Variants in TRPM6 observed in about 807,000 individuals in gnomAD.
TRPM6 encodes the protein transient receptor potential cation channel subfamily M member 6, also known as channel kinase 2.
TRPM6 carries 111 observed loss-of-function variants against 247.6 expected under a neutral mutation model. The observed-to-expected ratio is 0.45, with a 90% CI of 0.38 to 0.52. The LOEUF (loss-of-function observed/expected upper bound fraction) is 0.52, where lower values mean the gene tolerates loss of function less well. Ranked by LOEUF, TRPM6 falls within the 20% of genes least tolerant of loss-of-function variation. The pLI, the probability that TRPM6 is intolerant of heterozygous loss-of-function variation, is 0.00. For missense variants in TRPM6, 2,126 were observed against 2,421.5 expected, an observed-to-expected ratio of 0.88 and a Z score of 2.56; for synonymous variants, 892 against 853.8, an observed-to-expected ratio of 1.04 and a Z score of -0.78.
chr9:74,762,407 G>A lies in TRPM6; in HGVS notation c.4264C>T (p.Gln1422Ter). The A allele has an allele frequency of 6.2e-7, 1 of 1,614,186 alleles. No individual in the cohort carries two copies. ...GTGCAACTCAAAGTGGGTAGCACTT[G>A]CTCTGCCTTGTCTTGTCCATCCAGT... The part of the protein sequence containing the change: ...HLLDGQDKAE[Q>*]VLPTLSCTPE... Residue 1422 changes from glutamine (Q) to a stop codon, truncating the protein, a stop_gained, in exon 26 of 39, where the codon CAA (glutamine) becomes TAA (stop). Coordinates refer to ENST00000360774, the MANE Select transcript of TRPM6 (RefSeq NM_017662.5). LOFTEE classifies it high-confidence loss of function.
At chr9:74,828,187 A>G (rs1388378552) in intron 6 of TRPM6, among the ~76,000 whole-genome samples, 1 of 151,428 alleles carries the variant, frequency 6.6e-6, no homozygotes, top group Admixed American at 6.6e-5. Flanking sequence ...CCCCATCTCT[A>G]CTAAAAATAC....
chr9:74,826,293 C>G (rs1264680044), intron 7 of TRPM6, among the ~76,000 whole-genome samples: 1 of 152,196 alleles, frequency 6.6e-6, no homozygotes, highest in Non-Finnish European at 1.5e-5. Context: ...CACAAAATGA[C>G]AGCGCTTCAA....
At chr9:74,747,865 A>G (rs367997870) in intron 31 of TRPM6, 24 bp downstream of exon 31, 55 of 1,580,194 alleles carry the variant, frequency 3.5e-5, no homozygotes, top group Non-Finnish European at 4.7e-5. Context: ...ATAAAAAATA[A>G]AATGTTTAAA....
chr9:74,736,038 G>A (rs139143230), intron 36 of TRPM6, among the ~76,000 whole-genome samples: 1,767 of 152,284 alleles, frequency 0.012, 25 homozygotes, highest in African/African-American at 0.04. Context: ...ACACAGCTGA[G>A]GGCGGACTCC....
intron 4 of TRPM6, 119 bp downstream of exon 4, chr9:74,842,047 G>T: frequency 9.1e-7 from 1 of 1,098,744 alleles, no homozygotes. Context: ...GGAGGCAGAG[G>T]TTGCAGTGCG....
In TRPM6 at chr9:74,722,589, A is replaced by G. The variant is rs1825179838; in HGVS notation, c.*2024T>C. On this transcript the variant is annotated 3_prime_UTR_variant, in exon 39 of 39. Coordinates refer to ENST00000360774, the MANE Select transcript of TRPM6 (RefSeq NM_017662.5). ...GATGTCTTTAGTTTGGCAATTGGGCAAGCAAACTCTGCCTCTTTCCATAGT... is the reference window on the plus strand; with the variant it reads ...GATGTCTTTAGTTTGGCAATTGGGCGAGCAAACTCTGCCTCTTTCCATAGT... 6.6e-6 allele frequency: 1 copy of G among 152,234 alleles called. No homozygotes were observed. The highest frequency in any genetic ancestry group is 2.4e-5 in the African/African-American group (1 of 41,464). 9.4% of individuals were successfully genotyped at this position (152,234 alleles called of 1,614,324 possible).
intron 28 of TRPM6, among the ~76,000 whole-genome samples, chr9:74,753,525 C>T (rs905226632): frequency 6.6e-6 from 1 of 151,962 alleles, no homozygotes; most frequent in Non-Finnish European, 1.5e-5. Context: ...GTGAGACCCC[C>T]ATCTCTACAA....
At chr9:74,792,954 C>T (rs1021016943) in intron 18 of TRPM6, among the ~76,000 whole-genome samples, 184 bp from the exon 19 acceptor site, 7 of 152,014 alleles carry the variant, frequency 4.6e-5, no homozygotes, top group Non-Finnish European at 8.8e-5. Flanking sequence ...GTCAGGAGTT[C>T]GAGACCAGCC....
Position 74,756,681 on chromosome 9 carries a change from C to CAAAAAAAAAA in TRPM6, c.4786-1218_4786-1209dup, listed in dbSNP as rs1217543421. Among the ~76,000 whole-genome samples the CAAAAAAAAAA allele has an allele frequency of 1.8e-3, 92 of 51,646 alleles. 3 individuals carry two copies. The highest frequency in any genetic ancestry group is 2.7e-3 in the East Asian group (5 of 1,872). The allele number at this position is 51,646 out of a possible 152,430, so 33.9% of individuals were successfully genotyped here. ...ACAACATGAAGAAACCCCGTCTCTA[C>CAAAAAAAAAA]AAAAAAAAAAAAAAAAAAAAATAGC... On this transcript the variant is annotated intron_variant, in intron 27 of 38. Transcript: ENST00000360774.
intron 27 of TRPM6, among the ~76,000 whole-genome samples, chr9:74,757,109 C>A (rs529685086): frequency 1.3e-5 from 2 of 148,304 alleles, no homozygotes; most frequent in Non-Finnish European, 3.0e-5. Context: ...ACCCGGGAGG[C>A]GGAGGATGCA....
intron 1 of TRPM6, among the ~76,000 whole-genome samples, chr9:74,862,849 C>T (rs777827703): frequency 7.9e-5 from 12 of 151,576 alleles, no homozygotes; most frequent in Admixed American, 3.9e-4. Context: ...GACGTGGTGT[C>T]GGGCGCCTAT....
At chr9:74,825,163 G>A (rs1829286596) in intron 7 of TRPM6, among the ~76,000 whole-genome samples, 1 of 152,156 alleles carries the variant, frequency 6.6e-6, no homozygotes, top group East Asian at 1.9e-4. Context: ...TCAGGAGGCT[G>A]GGGCAGGAGA....
At chr9:74,785,705 A>G (rs1338778963) in intron 21 of TRPM6, among the ~76,000 whole-genome samples, 169 bp downstream of exon 21, 2 of 152,006 alleles carry the variant, frequency 1.3e-5, no homozygotes, top group Admixed American at 6.6e-5. Flanking sequence ...TTGTATTTTT[A>G]GTAGAGACGG....
chr9:74,788,735 T>C lies in TRPM6; in HGVS notation c.2546A>G (p.Tyr849Cys). 1 of 1,613,898 alleles carries C rather than the reference T, an allele frequency of 6.2e-7. No individual in the cohort carries two copies. Among genetic ancestry groups the C allele is most frequent in the Non-Finnish European group, 8.5e-7 (1 of 1,179,912 alleles). ...IVKFWFYTMA[Y>C]LAFLMLFTYT... Reference sequence around the variant, plus strand: ...AGTGAACAGCATGAGGAATGCCAAATACGCCATCTGTGAGGGGGACACACA... The same window carrying C: ...AGTGAACAGCATGAGGAATGCCAAACACGCCATCTGTGAGGGGGACACACA... Residue 849 changes from tyrosine to cysteine, a missense_variant, in exon 20 of 39, where the codon TAT becomes TGT. Physicochemically the swap from Tyr to Cys is radical, Grantham distance 194. Coordinates refer to ENST00000360774, the MANE Select transcript of TRPM6 (RefSeq NM_017662.5).
At chr9:74,769,454 G>A (rs1429541913) in intron 25 of TRPM6, among the ~76,000 whole-genome samples, 1 of 152,050 alleles carries the variant, frequency 6.6e-6, no homozygotes, top group Non-Finnish European at 1.5e-5. Context: ...CGGCCTCCAT[G>A]TCTATTTTAC....
intron 3 of TRPM6, among the ~76,000 whole-genome samples, chr9:74,849,446 C>T (rs1206036315): frequency 6.6e-6 from 1 of 151,794 alleles, no homozygotes; most frequent in Non-Finnish European, 1.5e-5. Context: ...GGAGAGATCC[C>T]CAGGATGTGT....
chr9:74,852,915 C>T (rs929472281), intron 3 of TRPM6, among the ~76,000 whole-genome samples: 1 of 152,166 alleles, frequency 6.6e-6, no homozygotes, highest in Non-Finnish European at 1.5e-5. Context: ...GCAGCCACCC[C>T]GTCTGGGAAG....
chr9:74,871,455 C>A (rs562874540), intron 1 of TRPM6, among the ~76,000 whole-genome samples: 8 of 152,020 alleles, frequency 5.3e-5, no homozygotes, highest in Admixed American at 5.2e-4. Context: ...ATGTAATAAC[C>A]TTATATATAG....
intron 3 of TRPM6, among the ~76,000 whole-genome samples, chr9:74,852,268 G>A (rs1259682150): frequency 6.6e-6 from 1 of 151,470 alleles, no homozygotes; most frequent in African/African-American, 2.4e-5. Context: ...CGTTGCCCAG[G>A]CTGAATGTGA....
Sources: allele counts gnomAD v4.1 joint callset (sites outside exome capture counted in the v4.1 genomes callset), GRCh38; gene constraint gnomAD v4.1.1; transcripts MANE v1.5; gene names NCBI Gene and HGNC (gene_info 2026-07-23, HGNC 2026-07-21).